The following TTLL5 variants were observed in gnomAD, a reference collection of about 807,000 sequenced individuals.
TTLL5 encodes tubulin tyrosine ligase like 5, also known as tubulin polyglutamylase TTLL5.
In TTLL5, 132 loss-of-function variants were observed where a neutral mutation model predicts 168.4. That is an observed-to-expected ratio of 0.78 (90% CI 0.68 to 0.91). The LOEUF is 0.91. Among genes scored for constraint, TTLL5 ranks in the 40% least tolerant of loss-of-function variants. TTLL5 has a pLI of 0.00. For synonymous variants in TTLL5, 546 were observed against 558.6 expected (o/e 0.98, Z 0.32); for missense variants, 1,545 against 1,581.5 (o/e 0.98, Z 0.39).
At chr14:75,749,685 T>C (rs1889830902) in intron 17 of TTLL5, among the ~76,000 whole-genome samples, 1 of 152,196 alleles carries the variant, frequency 6.6e-6, no homozygotes, top group Non-Finnish European at 1.5e-5. Context: ...GGTAAGTTAC[T>C]CTAACTCTCT....
intron 29 of TTLL5, among the ~76,000 whole-genome samples, chr14:75,873,088 T>C (rs1423613284): frequency 6.6e-6 from 1 of 151,310 alleles, no homozygotes; most frequent in African/African-American, 2.4e-5. Flanking sequence ...TTTTTTTTTT[T>C]TTTGAGACGG....
At chr14:75,870,965 T>G (rs11159153) in intron 29 of TTLL5, among the ~76,000 whole-genome samples, 131,941 of 151,668 alleles carry the variant, frequency 0.87, 57,461 homozygotes, top group South Asian at 0.92. Flanking sequence ...CAGCTAATTT[T>G]TTGTATTTTT....
In TTLL5 at chr14:75,759,283, C is replaced by T. The variant is rs1223018820; in HGVS notation, c.1551-5332C>T. 8.5e-5 allele frequency among the ~76,000 whole-genome samples: 13 copies of T among 152,180 alleles called. No individual in the cohort carries two copies. In the East Asian group the frequency reaches 2.5e-3, roughly 29 times the overall value. Reference sequence around the variant, plus strand: ...TACTTTGACAGCTTAGTTGAAATGACAATTCTTTGTGGTGGTGGGAAAGTT... The same window carrying T: ...TACTTTGACAGCTTAGTTGAAATGATAATTCTTTGTGGTGGTGGGAAAGTT... On this transcript the variant is annotated intron_variant, in intron 18 of 31. Transcript: ENST00000298832.
chr14:75,862,598 A>G (rs1252189049), intron 28 of TTLL5, among the ~76,000 whole-genome samples: 2 of 152,154 alleles, frequency 1.3e-5, no homozygotes, highest in Admixed American at 1.3e-4. Flanking sequence ...GTAGGAGGCT[A>G]TAGTTGTAAA....
At chr14:75,707,169 GTCTT>G in intron 8 of TTLL5, 82 bp downstream of exon 8, 1 of 1,088,060 alleles carries the variant, frequency 9.2e-7, no homozygotes, top group Non-Finnish European at 1.4e-6. Context: ...TCTCTAGTAA[GTCTT>G]TATTATACTG....
At chr14:75,713,571 AT>A (rs1456556695) in intron 9 of TTLL5, among the ~76,000 whole-genome samples, 1 of 152,200 alleles carries the variant, frequency 6.6e-6, no homozygotes, top group Non-Finnish European at 1.5e-5. Flanking sequence ...GTTATTGTTA[AT>A]AGAGAAATGG....
chr14:75,750,464 C>T (rs1416508212), intron 17 of TTLL5, among the ~76,000 whole-genome samples: 1 of 150,196 alleles, frequency 6.7e-6, no homozygotes, highest in East Asian at 1.9e-4. Context: ...CACCCCGAGA[C>T]AGCAACTAGA....
rs141245033 is a variant in TTLL5 at position 75,709,345 on chromosome 14, C to G, written c.740+1638C>G. 1.5e-4 allele frequency: 94 copies of G among 623,838 alleles called. 1 individual carries two copies. Among genetic ancestry groups the G allele is most frequent in the South Asian group, 1.4e-3 (85 of 60,186 alleles). The allele number at this position is 623,838 out of a possible 1,614,324, so 38.6% of individuals were successfully genotyped here. On this transcript the variant is annotated intron_variant, in intron 9 of 31. Coordinates refer to ENST00000298832, the MANE Select transcript of TTLL5 (RefSeq NM_015072.5). ...TCACATGTATCCTATGACTTGAAAT[C>G]AGTGAGAGCAGACTAACCAAACCTC... is the stretch of plus-strand genomic sequence containing the variant.
chr14:75,774,784 G>C (rs527424660), intron 21 of TTLL5, among the ~76,000 whole-genome samples: 1 of 152,074 alleles, frequency 6.6e-6, no homozygotes. Flanking sequence ...CACCTCCTGG[G>C]TTCAAGTGAT....
At chr14:75,905,324 G>C (rs1016973500) in intron 31 of TTLL5, among the ~76,000 whole-genome samples, 44 of 152,136 alleles carry the variant, frequency 2.9e-4, no homozygotes, top group African/African-American at 1.0e-3. Context: ...TGTAAGTCTT[G>C]CCTGCCAGGC....
At chr14:75,890,218 A>AT (rs1185785180) in intron 30 of TTLL5, among the ~76,000 whole-genome samples, 1 of 152,218 alleles carries the variant, frequency 6.6e-6, no homozygotes, top group Non-Finnish European at 1.5e-5. Context: ...CATATTTGTC[A>AT]TAACTGAAGT....
chr14:75,750,107 C>T (rs1203353339), intron 17 of TTLL5, among the ~76,000 whole-genome samples: 1 of 152,028 alleles, frequency 6.6e-6, no homozygotes, highest in East Asian at 1.9e-4. Flanking sequence ...CACAGTGAGA[C>T]TTGGGTCAGA....
At chr14:75,890,306 A>C (rs915662047) in intron 30 of TTLL5, among the ~76,000 whole-genome samples, 1 of 152,222 alleles carries the variant, frequency 6.6e-6, no homozygotes, top group Non-Finnish European at 1.5e-5. Flanking sequence ...ATTAAGAAGA[A>C]AAGTAATATA....
chr14:75,781,891 G>A (rs367932019), intron 24 of TTLL5, among the ~76,000 whole-genome samples: 12 of 150,742 alleles, frequency 8.0e-5, no homozygotes, highest in African/African-American at 2.9e-4. Context: ...GGAGGCAGAG[G>A]TTGCAGTGAG....
At chr14:75,782,157 G>A (rs975191119) in intron 24 of TTLL5, among the ~76,000 whole-genome samples, 1 of 151,802 alleles carries the variant, frequency 6.6e-6, no homozygotes, top group South Asian at 2.1e-4. Context: ...TGAATTCCTG[G>A]CATAAATCTG....
intron 3 of TTLL5, among the ~76,000 whole-genome samples, chr14:75,673,711 C>G (rs975474604): frequency 6.6e-6 from 1 of 152,218 alleles, no homozygotes; most frequent in Non-Finnish European, 1.5e-5. Context: ...AAGATCTACT[C>G]TACTTGTAAA....
At chr14:75,904,354 A>G (rs1595242106) in intron 31 of TTLL5, 1 of 752,138 alleles carries the variant, frequency 1.3e-6, no homozygotes. Context: ...TCTGTGAGAT[A>G]CCCTATGAGA....
chr14:75,936,424 T>A (rs1447643717), intron 31 of TTLL5, among the ~76,000 whole-genome samples: 1 of 152,234 alleles, frequency 6.6e-6, no homozygotes, highest in African/African-American at 2.4e-5. Flanking sequence ...TCTCCCTCCC[T>A]CTCTGCTTCA....
At chr14:75,802,403 A>G (rs1893375619) in intron 27 of TTLL5, among the ~76,000 whole-genome samples, 1 of 152,238 alleles carries the variant, frequency 6.6e-6, no homozygotes, top group African/African-American at 2.4e-5. Context: ...GTTAAGAGAT[A>G]TTCTACTAAG....
Sources: allele counts gnomAD v4.1 joint callset (sites outside exome capture counted in the v4.1 genomes callset), GRCh38; gene constraint gnomAD v4.1.1; transcripts MANE v1.5; gene names NCBI Gene and HGNC (gene_info 2026-07-23, HGNC 2026-07-21).